The following ITSN1 variants were observed in gnomAD, a reference collection of about 807,000 sequenced individuals.
ITSN1 encodes the protein intersectin 1.
A neutral mutation model predicts 239.8 loss-of-function variants in ITSN1; 58 were observed. That is an observed-to-expected ratio of 0.24 (90% CI 0.20 to 0.30). The LOEUF (loss-of-function observed/expected upper bound fraction) is 0.30, where lower values mean the gene tolerates loss of function less well. Ranked by LOEUF, ITSN1 falls within the 10% of genes least tolerant of loss-of-function variation. The pLI is 1.00. For missense variants in ITSN1, 1,558 were observed against 2,103.3 expected (o/e 0.74, Z 5.07); for synonymous variants, 780 against 770.8 (o/e 1.01, Z -0.20).
intron 1 of ITSN1, among the ~76,000 whole-genome samples, chr21:33,708,265 A>G (rs1181902468): frequency 6.6e-6 from 1 of 151,886 alleles, no homozygotes; most frequent in Non-Finnish European, 1.5e-5. Flanking sequence ...TACTTTTTCT[A>G]ATGTATGTGT....
chr21:33,752,142 AT>A (rs543236311), intron 7 of ITSN1, among the ~76,000 whole-genome samples: 479 of 143,782 alleles, frequency 3.3e-3, no homozygotes, highest in East Asian at 4.6e-3. Context: ...GGCTTTGTGT[AT>A]TTTTTTTTTT....
chr21:33,658,570 C>T (rs1361436314), intron 1 of ITSN1, among the ~76,000 whole-genome samples: 5 of 152,110 alleles, frequency 3.3e-5, no homozygotes, highest in East Asian at 1.9e-4. Flanking sequence ...TACAATCTTA[C>T]GGGACCACGA....
At chr21:33,876,478 C>T (rs887290099) in intron 34 of ITSN1, among the ~76,000 whole-genome samples, 1 of 152,254 alleles carries the variant, frequency 6.6e-6, no homozygotes, top group African/African-American at 2.4e-5. Flanking sequence ...GATCTTCCCA[C>T]TTCAGCATCC....
intron 7 of ITSN1, among the ~76,000 whole-genome samples, chr21:33,752,583 T>A (rs1191844122): frequency 6.6e-6 from 1 of 152,188 alleles, no homozygotes; most frequent in South Asian, 2.1e-4. Context: ...AAGTCTCTTT[T>A]AAGCCATCTC....
intron 2 of ITSN1, among the ~76,000 whole-genome samples, chr21:33,719,298 G>A (rs1041733755): frequency 8.5e-5 from 13 of 152,114 alleles, no homozygotes; most frequent in East Asian, 5.8e-4. Context: ...AAAATTAGCC[G>A]GGCGTGGTGG....
At chr21:33,858,151 T>C (rs893672720) in intron 30 of ITSN1, among the ~76,000 whole-genome samples, 16 of 152,062 alleles carry the variant, frequency 1.1e-4, no homozygotes, top group African/African-American at 2.7e-4. Context: ...GGCCTGCAAG[T>C]GCTGGGTCTG....
At chr21:33,734,175 T>C (rs1478250611) in intron 4 of ITSN1, among the ~76,000 whole-genome samples, 2 of 152,218 alleles carry the variant, frequency 1.3e-5, no homozygotes, top group African/African-American at 4.8e-5. Context: ...ATAAAACTTT[T>C]TTATGCAGAA....
chr21:33,829,613 T>C lies in ITSN1; in HGVS notation c.3230-11T>C. 1 of 1,612,032 alleles carries C rather than the reference T, an allele frequency of 6.2e-7. No individual in the cohort carries two copies. The highest frequency in any genetic ancestry group is 8.5e-7 in the Non-Finnish European group (1 of 1,179,920). ...TAACAGTGCACTGCCGTGTTTGATC[T>C]TGTTTTTCAGAAATTGCCCAGGTTA... On this transcript the variant is annotated splice_polypyrimidine_tract_variant and intron_variant, in intron 26 of 39. Coordinates refer to ENST00000381318, the MANE Select transcript of ITSN1 (RefSeq NM_003024.3).
chr21:33,838,358 C>T (rs1342575702), intron 29 of ITSN1: 1 of 985,228 alleles, frequency 1.0e-6, no homozygotes, highest in African/African-American at 1.7e-5. Context: ...GACCTCTCCT[C>T]CTCGTTCAGT....
intron 29 of ITSN1, chr21:33,837,720 C>T (rs1414848727): frequency 2.0e-6 from 2 of 985,766 alleles, no homozygotes; most frequent in Non-Finnish European, 2.4e-6. Flanking sequence ...ATGCTCTAAT[C>T]ATATTGCATT....
chr21:33,655,629 C>T (rs950211005), intron 1 of ITSN1, among the ~76,000 whole-genome samples: 1 of 121,594 alleles, frequency 8.2e-6, no homozygotes, highest in Non-Finnish European at 1.6e-5. Context: ...GATGGGGTTT[C>T]GCCATGTTGG....
At chr21:33,771,924 T>G in intron 11 of ITSN1, 137 bp from the exon 12 acceptor site, 1 of 919,300 alleles carries the variant, frequency 1.1e-6, no homozygotes, top group Admixed American at 2.8e-5. Flanking sequence ...TTGTGCTCAT[T>G]AACAAGGACA....
At chr21:33,672,805 G>A (rs1010534626) in intron 1 of ITSN1, among the ~76,000 whole-genome samples, 5 of 151,668 alleles carry the variant, frequency 3.3e-5, no homozygotes, top group Admixed American at 2.0e-4. Context: ...TCCGCCTCCC[G>A]GGTTCAAGCA....
intron 1 of ITSN1, among the ~76,000 whole-genome samples, chr21:33,707,618 T>C (rs2092292892): frequency 6.6e-6 from 1 of 152,228 alleles, no homozygotes; most frequent in Non-Finnish European, 1.5e-5. Flanking sequence ...TTACATTTTC[T>C]AGAATTTTTC....
At chr21:33,655,906 TA>T (rs1382745932) in intron 1 of ITSN1, among the ~76,000 whole-genome samples, 1 of 152,034 alleles carries the variant, frequency 6.6e-6, no homozygotes, top group Non-Finnish European at 1.5e-5. Context: ...GTCCACTATC[TA>T]AATGCAGTTG....
Position 33,883,604 on chromosome 21 carries a change from G to A in ITSN1, c.4609G>A (p.Glu1537Lys), listed in dbSNP as rs773631437. The A allele has an allele frequency of 1.9e-6, 3 of 1,613,866 alleles. No homozygotes were observed. The highest frequency in any genetic ancestry group is 1.7e-5 in the Admixed American group (1 of 60,004). ...VKLPTDPSGD[E>K]PIFHISHIDR... ...ATTACCCACCGACCCTTCTGGAGAC[G>A]AGCCCATCTTCCACATCTCCCACAT... Residue 1537 changes from glutamate to lysine, a missense_variant, in exon 36 of 40, where the codon GAG (glutamate) becomes AAG (lysine). By Grantham distance (56) the Glu-to-Lys change is moderately conservative. Transcript: ENST00000381318.
chr21:33,886,260 C>T (rs1357576811), intron 38 of ITSN1, 27 bp from the exon 39 acceptor site: 2 of 1,592,548 alleles, frequency 1.3e-6, no homozygotes. Context: ...GTGAGTTCCA[C>T]CTGGCGAAGG....
At chr21:33,872,795 G>A (rs1039565658) in intron 33 of ITSN1, among the ~76,000 whole-genome samples, 1 of 152,086 alleles carries the variant, frequency 6.6e-6, no homozygotes, top group Non-Finnish European at 1.5e-5. Context: ...GCCTCCCAAA[G>A]CAATTTTTAT....
Position 33,797,674 on chromosome 21 carries a change from G to T in ITSN1, c.2182+66G>T. On this transcript the variant is annotated intron_variant, in intron 18 of 39. Coordinates refer to ENST00000381318, the MANE Select transcript of ITSN1 (RefSeq NM_003024.3). This position sits in a 1 kb window ranked among gnomAD's most constrained non-coding sequence, Gnocchi z 4.9. ...TCTCTCCCAGAGCCTCCTGAAAAATGCCCCTATCTCATCAGTACCTGTCTT... is the reference window on the plus strand; with the variant it reads ...TCTCTCCCAGAGCCTCCTGAAAAATTCCCCTATCTCATCAGTACCTGTCTT... The T allele has an allele frequency of 7.6e-7, 1 of 1,311,526 alleles. No individual in the cohort carries two copies. Among genetic ancestry groups the T allele is most frequent in the Non-Finnish European group, 1.1e-6 (1 of 925,812 alleles). 81.2% of individuals were successfully genotyped at this position (1,311,526 alleles called of 1,614,324 possible).
Sources: gnomAD v4.1 joint callset for allele counts (sites outside exome capture counted in the v4.1 genomes callset) on GRCh38, gnomAD v4.1.1 for gene constraint, Gnocchi (gnomAD v3.1) non-coding constraint, MANE v1.5 for transcripts, NCBI Gene and HGNC (gene_info 2026-07-23, HGNC 2026-07-21) for gene names.